SEC23A: variants seen among roughly 807,000 people sequenced by gnomAD.
The protein encoded by SEC23A is protein transport protein Sec23A.
A neutral mutation model predicts 103.7 loss-of-function variants in SEC23A; 56 were observed. That is an observed-to-expected ratio of 0.54 (90% CI 0.44 to 0.67). The LOEUF is 0.67. Among genes scored for constraint, SEC23A ranks in the 30% least tolerant of loss-of-function variants. The probability of loss-of-function intolerance (pLI) is 0.00; values close to 1 mark genes in which losing one functional copy is unlikely to be tolerated. For synonymous variants in SEC23A, 281 were observed against 293.0 expected, an observed-to-expected ratio of 0.96 and a Z score of 0.42; for missense variants, 784 against 936.4, an observed-to-expected ratio of 0.84 and a Z score of 2.12.
At position 39,040,986 on chromosome 14, in the gene SEC23A, T is replaced by G. The variant is rs1885618312; in HGVS notation, c.1987-99A>C. ...AAATAATCTTTAGAAACTAAAAAAA[T>G]TATAGACCATTATTCCATTTACCTC... On this transcript the variant is annotated intron_variant, in intron 17 of 19. Coordinates refer to ENST00000307712, the MANE Select transcript of SEC23A (RefSeq NM_006364.4). The G allele has an allele frequency of 9.5e-6, 13 of 1,369,826 alleles. No individual in the cohort carries two copies. In the South Asian group the frequency reaches 1.9e-4, roughly 20 times the overall value. The allele number at this position is 1,369,826 out of a possible 1,614,324, so 84.9% of individuals were successfully genotyped here.
At chr14:39,046,873 C>T (rs1201483844) in intron 15 of SEC23A, among the ~76,000 whole-genome samples, 1 of 152,160 alleles carries the variant, frequency 6.6e-6, no homozygotes, top group African/African-American at 2.4e-5. Context: ...TTCCTCCAAC[C>T]CTCAGGTCTT....
chr14:39,063,011 A>G (rs1206216540), intron 12 of SEC23A, among the ~76,000 whole-genome samples: 1 of 152,198 alleles, frequency 6.6e-6, no homozygotes, highest in Non-Finnish European at 1.5e-5. Context: ...TGTAGCTAGA[A>G]GGGAATTTTA....
At chr14:39,057,414 T>C (rs1343615423) in intron 13 of SEC23A, among the ~76,000 whole-genome samples, 1 of 152,152 alleles carries the variant, frequency 6.6e-6, no homozygotes, top group African/African-American at 2.4e-5. Flanking sequence ...TGAAGTGGCA[T>C]GATCATGGTT....
At chr14:39,054,911 T>C (rs1886189642) in intron 14 of SEC23A, among the ~76,000 whole-genome samples, 1 of 152,172 alleles carries the variant, frequency 6.6e-6, no homozygotes, top group Admixed American at 6.5e-5. Context: ...AAATAATAGG[T>C]TACATAATTG....
chr14:39,035,026 T>G (rs1287822631), intron 19 of SEC23A, among the ~76,000 whole-genome samples: 1 of 152,180 alleles, frequency 6.6e-6, no homozygotes, highest in Non-Finnish European at 1.5e-5. Context: ...AATGCAATCA[T>G]CAAATTAACT....
At chr14:39,074,758 A>G (rs1886957286) in intron 8 of SEC23A, among the ~76,000 whole-genome samples, 1 of 152,244 alleles carries the variant, frequency 6.6e-6, no homozygotes, top group Admixed American at 6.5e-5. Context: ...CCCTAAATGA[A>G]GCCAAACTTA....
At chr14:39,091,131 G>A in intron 5 of SEC23A, 1 of 371,446 alleles carries the variant, frequency 2.7e-6, no homozygotes, top group Non-Finnish European at 5.0e-6. Context: ...CAATAAAAAA[G>A]CTGAACTCTT....
At chr14:39,095,248 C>T (rs1244287637) in intron 2 of SEC23A, among the ~76,000 whole-genome samples, 2 of 151,476 alleles carry the variant, frequency 1.3e-5, no homozygotes, top group Admixed American at 1.3e-4. Flanking sequence ...ATTTTGGCTT[C>T]AGCAACAGAA....
chr14:39,079,749 G>A (rs1887157808), intron 7 of SEC23A, among the ~76,000 whole-genome samples: 1 of 152,092 alleles, frequency 6.6e-6, no homozygotes, highest in African/African-American at 2.4e-5. Context: ...TTAAACCCAG[G>A]AGGTGGAGGT....
Position 39,055,314 on chromosome 14 carries a change from G to C in SEC23A, c.1506-18C>G. 1 of 1,612,740 alleles carries C rather than the reference G, an allele frequency of 6.2e-7. No homozygotes were observed. On this transcript the variant is annotated intron_variant, in intron 13 of 19. Coordinates refer to ENST00000307712, the MANE Select transcript of SEC23A (RefSeq NM_006364.4). ...CTGCCCAGCTGAAGACAATAAGAAA[G>C]CATAGAAATGCTTCTGAATTATTAT...
At chr14:39,035,758 G>GA (rs1885437002) in intron 19 of SEC23A, among the ~76,000 whole-genome samples, 1 of 151,988 alleles carries the variant, frequency 6.6e-6, no homozygotes, top group South Asian at 2.1e-4. Flanking sequence ...AGGTCCTATG[G>GA]AAAATCAAAA....
intron 19 of SEC23A, among the ~76,000 whole-genome samples, chr14:39,036,727 T>C (rs1885475340): frequency 6.6e-6 from 1 of 152,190 alleles, no homozygotes; most frequent in Admixed American, 6.5e-5. Context: ...CTATGCTTGG[T>C]CTCCAAATAA....
At chr14:39,095,110 A>G in intron 2 of SEC23A, 1 of 643,568 alleles carries the variant, frequency 1.6e-6, no homozygotes, top group East Asian at 2.7e-5. Flanking sequence ...AGGGTATACT[A>G]CCAGAGATGG....
At chr14:39,090,975 T>C in intron 5 of SEC23A, 1 of 351,330 alleles carries the variant, frequency 2.8e-6, no homozygotes, top group Non-Finnish European at 5.4e-6. Flanking sequence ...CAACAGTTGG[T>C]GCTGCACCTG....
intron 14 of SEC23A, among the ~76,000 whole-genome samples, chr14:39,049,288 C>T (rs781458797): frequency 2.7e-4 from 41 of 151,828 alleles, no homozygotes; most frequent in Admixed American, 1.5e-3. Flanking sequence ...CCAGCCTGGC[C>T]AACATGGTGA....
At chr14:39,069,280 A>G (rs1274827020) in intron 9 of SEC23A, among the ~76,000 whole-genome samples, 1 of 152,120 alleles carries the variant, frequency 6.6e-6, no homozygotes, top group Non-Finnish European at 1.5e-5. Context: ...CTTTTAAACT[A>G]TTAAGTCAGA....
Position 39,042,878 on chromosome 14 carries a change from G to A in SEC23A, c.1900-6C>T, listed in dbSNP as rs201330860. On this transcript the variant is annotated splice_polypyrimidine_tract_variant and splice_region_variant and intron_variant, in intron 16 of 19. Transcript: ENST00000307712. Reference sequence around the variant, plus strand: ...CTGCTATCAAGAAGAACCGGCTAACGTAAAGAAAACAATGAGAAATGAGGA... The same window carrying A: ...CTGCTATCAAGAAGAACCGGCTAACATAAAGAAAACAATGAGAAATGAGGA... The A allele has an allele frequency of 3.4e-5, 54 of 1,587,078 alleles. No individual in the cohort carries two copies. The Admixed American group carries it at 6.3e-4, about 19-fold the overall frequency.
rs921721211 is a variant in SEC23A at position 39,048,592 on chromosome 14, C to T, written c.1737+60G>A. The stretch of plus-strand genomic sequence containing the variant: ...TTCAGCATGGATGACATAGGGAGAG[C>T]CTGTCTCTAAAAAAGGAAAAAAAAG... On this transcript the variant is annotated intron_variant, in intron 15 of 19. Coordinates refer to ENST00000307712, the MANE Select transcript of SEC23A (RefSeq NM_006364.4). 2.9e-6 allele frequency: 3 copies of T among 1,044,770 alleles called. No homozygotes were observed. In the African/African-American group the frequency reaches 4.7e-5, roughly 16 times the overall value. The allele number at this position is 1,044,770 out of a possible 1,614,324, so 64.7% of individuals were successfully genotyped here.
chr14:39,067,477 A>G (rs1048645036), intron 9 of SEC23A, among the ~76,000 whole-genome samples, 181 bp from the exon 10 acceptor site: 6 of 152,122 alleles, frequency 3.9e-5, no homozygotes, highest in Admixed American at 6.6e-5. Context: ...CCCCACAAAT[A>G]ATCTCAATTC....
Sources: gnomAD v4.1 joint callset for allele counts (sites outside exome capture counted in the v4.1 genomes callset) on GRCh38, gnomAD v4.1.1 for gene constraint, MANE v1.5 for transcripts, NCBI Gene and HGNC (gene_info 2026-07-23, HGNC 2026-07-21) for gene names.